The following ZMYND11 variants were observed in gnomAD, a reference collection of about 807,000 sequenced individuals.
ZMYND11 encodes the protein zinc finger MYND-type containing 11, also known as zinc finger MYND domain-containing protein 11.
A neutral mutation model predicts 84.9 loss-of-function variants in ZMYND11; 9 were observed. That is an observed-to-expected ratio of 0.11 (90% CI 0.06 to 0.18). The LOEUF is 0.18. ZMYND11 is among the 10% of genes least tolerant of loss of function. The probability of loss-of-function intolerance (pLI) is 1.00; values close to 1 mark genes in which losing one functional copy is unlikely to be tolerated. For synonymous variants in ZMYND11, 250 were observed against 244.1 expected (o/e 1.02, Z -0.23); for missense variants, 409 against 761.0 (o/e 0.54, Z 5.44).
intron 4 of ZMYND11, among the ~76,000 whole-genome samples, chr10:231,371 C>T (rs1948991663): frequency 3.3e-5 from 5 of 152,092 alleles, no homozygotes; most frequent in Admixed American, 3.3e-4. Flanking sequence ...ATAAATATGT[C>T]TGAAAAAAGA....
intron 6 of ZMYND11, among the ~76,000 whole-genome samples, chr10:238,220 AG>A (rs1172174866): frequency 6.6e-6 from 1 of 152,246 alleles, no homozygotes; most frequent in Non-Finnish European, 1.5e-5. Flanking sequence ...TAGAACACGT[AG>A]ACATATTTGC....
At chr10:223,554 T>C (rs1947529213) in intron 4 of ZMYND11, among the ~76,000 whole-genome samples, 1 of 152,170 alleles carries the variant, frequency 6.6e-6, no homozygotes, top group African/African-American at 2.4e-5. Flanking sequence ...CATTTTATGG[T>C]ATGTGAGCTA....
chr10:139,774 C>A (rs575560371), intron 1 of ZMYND11, among the ~76,000 whole-genome samples: 1 of 133,142 alleles, frequency 7.5e-6, no homozygotes, highest in Non-Finnish European at 1.5e-5. Flanking sequence ...TGCAGTGGTG[C>A]CATCTTGGCT....
At chr10:217,900 A>C (rs568091208) in intron 3 of ZMYND11, among the ~76,000 whole-genome samples, 1 of 152,210 alleles carries the variant, frequency 6.6e-6, no homozygotes, top group Non-Finnish European at 1.5e-5. Context: ...ACCAAATGCT[A>C]TGTGAATGAC....
intron 10 of ZMYND11, among the ~76,000 whole-genome samples, chr10:243,636 C>A (rs1294941819): frequency 3.3e-5 from 5 of 152,104 alleles, no homozygotes; most frequent in African/African-American, 1.2e-4. Flanking sequence ...GAGGCCGAGG[C>A]GGCTGGATCA....
chr10:221,497 C>T (rs1947129564), intron 4 of ZMYND11, 141 bp downstream of exon 4: 3 of 785,840 alleles, frequency 3.8e-6, no homozygotes, highest in Non-Finnish European at 6.0e-6. Flanking sequence ...AATGATGATA[C>T]TCATAAATGG....
intron 1 of ZMYND11, among the ~76,000 whole-genome samples, chr10:144,887 A>G (rs1838375488): frequency 6.7e-6 from 1 of 150,096 alleles, no homozygotes; most frequent in African/African-American, 2.4e-5. Context: ...TTAAAATATT[A>G]AATATTAAAG....
intron 14 of ZMYND11, chr10:249,580 CTCCCTCA>C: frequency 4.1e-6 from 4 of 985,108 alleles, no homozygotes; most frequent in Non-Finnish European, 4.8e-6. Context: ...TCTAACTACC[CTCCCTCA>C]TACCTGACTA....
rs966160974 is a variant in ZMYND11, at chr10:249,711, A to G, written c.1686+623A>G. On this transcript the variant is annotated intron_variant, in intron 14 of 14. Coordinates refer to ENST00000381604, the MANE Select transcript of ZMYND11 (RefSeq NM_001370100.5). ...CTACAGCCGCCACAGTGCTCAGTGAATTAGGGAAAAGTTTTGCTCCCGAAA... is the reference window on the plus strand; with the variant it reads ...CTACAGCCGCCACAGTGCTCAGTGAGTTAGGGAAAAGTTTTGCTCCCGAAA... 4.1e-6 allele frequency: 4 copies of G among 985,288 alleles called. No individual in the cohort carries two copies. In the Admixed American group the frequency reaches 1.8e-4, roughly 45 times the overall value. 61.0% of individuals were successfully genotyped at this position (985,288 alleles called of 1,614,324 possible).
chr10:252,559 G>C lies in ZMYND11; in HGVS notation c.*89G>C. ...AAGAAGCCAAAATTGTTTAGAATTT[G>C]CTTCCCATTTTGCACCAGCCTTTAA... On this transcript the variant is annotated 3_prime_UTR_variant, in exon 15 of 15. Coordinates refer to ENST00000381604, the MANE Select transcript of ZMYND11 (RefSeq NM_001370100.5). The surrounding 1 kb of genome is among the most constrained non-coding windows in gnomAD (Gnocchi z 4.6). The C allele has an allele frequency of 1.3e-6, 2 of 1,503,988 alleles. No homozygotes were observed. Among genetic ancestry groups the C allele is most frequent in the South Asian group, 2.6e-5 (2 of 76,686 alleles). The allele number at this position is 1,503,988 out of a possible 1,614,324, so 93.2% of individuals were successfully genotyped here.
chr10:194,632 A>G (rs1049201944), intron 2 of ZMYND11, among the ~76,000 whole-genome samples: 16 of 152,226 alleles, frequency 1.1e-4, no homozygotes, highest in Non-Finnish European at 2.4e-4. Flanking sequence ...TTATACTAGC[A>G]TCTCATGGTG....
At chr10:179,339 A>G (rs894872516) in intron 1 of ZMYND11, among the ~76,000 whole-genome samples, 5 of 152,188 alleles carry the variant, frequency 3.3e-5, no homozygotes, top group Admixed American at 2.0e-4. Context: ...CTGGAATACT[A>G]AAATTTGAGT....
chr10:155,761 TA>T (rs1841552071), intron 1 of ZMYND11, among the ~76,000 whole-genome samples: 2 of 152,216 alleles, frequency 1.3e-5, no homozygotes, highest in Non-Finnish European at 2.9e-5. Context: ...ATTTATAATT[TA>T]AAAACTCTTG....
At chr10:239,376 T>A in intron 6 of ZMYND11, 62 bp from the exon 7 acceptor site, 1 of 1,347,578 alleles carries the variant, frequency 7.4e-7, no homozygotes, top group Non-Finnish European at 1.1e-6. Flanking sequence ...CCTGTGAACT[T>A]AGTCCAGACA....
chr10:197,707 T>A (rs1442894271), intron 2 of ZMYND11, among the ~76,000 whole-genome samples: 1 of 152,218 alleles, frequency 6.6e-6, no homozygotes, highest in Non-Finnish European at 1.5e-5. Flanking sequence ...TTAACCATTG[T>A]CTAAGTTGCA....
intron 1 of ZMYND11, among the ~76,000 whole-genome samples, chr10:154,208 C>T (rs1010337499): frequency 6.6e-6 from 1 of 152,116 alleles, no homozygotes; most frequent in Non-Finnish European, 1.5e-5. Context: ...CTGGATATAT[C>T]ATATTGTTGA....
intron 4 of ZMYND11, among the ~76,000 whole-genome samples, chr10:236,191 G>C (rs1949929625): frequency 6.6e-6 from 1 of 152,210 alleles, no homozygotes; most frequent in Non-Finnish European, 1.5e-5. Context: ...TAAGGAAATA[G>C]GCACACTTGT....
intron 14 of ZMYND11, chr10:249,644 T>C (rs555031249): frequency 6.5e-5 from 64 of 985,370 alleles, no homozygotes; most frequent in Admixed American, 1.2e-4. Flanking sequence ...TCCTCCCCAC[T>C]AGAGTGGGAG....
In ZMYND11 at chr10:249,313, GATT is replaced by G. The variant is rs1419336313; in HGVS notation, c.1686+228_1686+230del. The G allele has an allele frequency of 9.5e-6, 13 of 1,365,880 alleles. No homozygotes were observed. The Admixed American group carries it at 2.0e-4, about 21-fold the overall frequency. 84.6% of individuals were successfully genotyped at this position (1,365,880 alleles called of 1,614,324 possible). A position where few individuals can be genotyped will look rare whatever the true frequency, so the allele number is the denominator to read the frequency against. On this transcript the variant is annotated intron_variant, in intron 14 of 14. Transcript: ENST00000381604. ...GCTCAGGATTATTTTGTTAAATTGAGATTATAATACCTTAGTACATATTTATTA... is the reference window on the plus strand; with the variant it reads ...GCTCAGGATTATTTTGTTAAATTGAGATAATACCTTAGTACATATTTATTA...
Sources: gnomAD v4.1 joint callset for allele counts (sites outside exome capture counted in the v4.1 genomes callset) on GRCh38, gnomAD v4.1.1 for gene constraint, Gnocchi (gnomAD v3.1) non-coding constraint, MANE v1.5 for transcripts, NCBI Gene and HGNC (gene_info 2026-07-23, HGNC 2026-07-21) for gene names.